The following GRID2 variants were observed in gnomAD, a reference collection of about 807,000 sequenced individuals.
GRID2 encodes glutamate ionotropic receptor delta type subunit 2.
Under a neutral mutation model 114.8 loss-of-function variants are expected in GRID2, and 33 were observed. That is an observed-to-expected ratio of 0.29 (90% confidence interval 0.22 to 0.38). The LOEUF (loss-of-function observed/expected upper bound fraction) is 0.38, where lower values mean the gene tolerates loss of function less well. GRID2 is among the 10% of genes least tolerant of loss of function. GRID2 has a pLI of 1.00. For synonymous variants in GRID2, 505 were observed against 449.9 expected (o/e 1.12, Z -1.55); for missense variants, 1,184 against 1,257.7 (o/e 0.94, Z 0.89).
At chr4:93,090,231 T>C (rs1204133091) in intron 3 of GRID2, among the ~76,000 whole-genome samples, 1 of 152,162 alleles carries the variant, frequency 6.6e-6, no homozygotes, top group African/African-American at 2.4e-5. Flanking sequence ...ATGAGCAGGA[T>C]TGATCTCAAC....
intron 14 of GRID2, among the ~76,000 whole-genome samples, chr4:93,632,136 A>G (rs916923561): frequency 3.3e-4 from 50 of 152,184 alleles, no homozygotes; most frequent in Middle Eastern, 3.4e-3. Flanking sequence ...AGACGAGTAG[A>G]TTGCAAAAAT....
chr4:92,445,871 T>C (rs891169255), intron 1 of GRID2, among the ~76,000 whole-genome samples: 2 of 152,250 alleles, frequency 1.3e-5, no homozygotes, highest in Non-Finnish European at 2.9e-5. Context: ...CATGCTTTAA[T>C]GTCACTGTGA....
In GRID2 at chr4:92,385,815, T is replaced by C. The variant is rs190201355; in HGVS notation, c.88+81071T>C. Among the ~76,000 whole-genome samples the C allele has an allele frequency of 5.6e-3, 848 of 151,036 alleles. 11 individuals are homozygous for C. The highest frequency in any genetic ancestry group is 0.019 in the African/African-American group (804 of 41,280). ...TTTCAATTATGAAATAATTAAGTTA[T>C]TTGGATTTAAATATAGAAAAAATAT... On this transcript the variant is annotated intron_variant, in intron 1 of 15. Transcript: ENST00000282020.
intron 3 of GRID2, among the ~76,000 whole-genome samples, chr4:93,108,999 T>C (rs545597591): frequency 2.2e-4 from 34 of 152,330 alleles, no homozygotes; most frequent in Admixed American, 2.0e-3. Flanking sequence ...GATAAGTTTC[T>C]CAGATGATTC....
intron 8 of GRID2, among the ~76,000 whole-genome samples, chr4:93,273,299 A>G (rs975343106): frequency 6.6e-6 from 1 of 152,212 alleles, no homozygotes; most frequent in African/African-American, 2.4e-5. Flanking sequence ...AAGGTATCCC[A>G]GATCTCTTTC....
intron 1 of GRID2, among the ~76,000 whole-genome samples, chr4:92,318,331 G>A (rs1013402221): frequency 4.2e-5 from 5 of 119,010 alleles, no homozygotes; most frequent in South Asian, 2.7e-4. Flanking sequence ...TTTTTGGTAA[G>A]CAATATTATA....
intron 1 of GRID2, among the ~76,000 whole-genome samples, chr4:92,357,764 T>C (rs1728400884): frequency 6.6e-6 from 1 of 151,864 alleles, no homozygotes; most frequent in Non-Finnish European, 1.5e-5. Context: ...AGTCACAGTA[T>C]TTTAAAATAT....
chr4:92,332,529 T>C (rs750156070), intron 1 of GRID2, among the ~76,000 whole-genome samples: 1 of 152,150 alleles, frequency 6.6e-6, no homozygotes, highest in African/African-American at 2.4e-5. Flanking sequence ...AAAAATATAT[T>C]CATTTCATCC....
At chr4:93,410,627 C>G (rs149789725) in intron 9 of GRID2, among the ~76,000 whole-genome samples, 19 of 152,232 alleles carry the variant, frequency 1.2e-4, no homozygotes, top group African/African-American at 4.6e-4. Context: ...CTTGTTGCCC[C>G]AACTGGAGAG....
chr4:93,572,692 A>G (rs765070011), intron 13 of GRID2, among the ~76,000 whole-genome samples: 7 of 152,164 alleles, frequency 4.6e-5, no homozygotes, highest in Non-Finnish European at 1.0e-4. Context: ...ACTTGAAAAT[A>G]GAATTTATTT....
At chr4:93,271,553 G>C (rs1365703110) in intron 8 of GRID2, among the ~76,000 whole-genome samples, 2 of 152,154 alleles carry the variant, frequency 1.3e-5, no homozygotes, top group African/African-American at 2.4e-5. Flanking sequence ...TTAGAGGAGG[G>C]TAGAAGCCTC....
chr4:93,783,016 G>T (rs1332473698), intron 1 of GRID2, among the ~76,000 whole-genome samples: 2 of 152,108 alleles, frequency 1.3e-5, no homozygotes, highest in Admixed American at 6.5e-5. Flanking sequence ...AAAGTAATTT[G>T]CAGAGGCACA....
At chr4:92,847,473 C>A (rs534275679) in intron 2 of GRID2, among the ~76,000 whole-genome samples, 26 of 152,138 alleles carry the variant, frequency 1.7e-4, no homozygotes, top group African/African-American at 5.5e-4. Flanking sequence ...TCCTTTCCTG[C>A]TCTTTAATAT....
chr4:92,495,749 C>A (rs1481837047), intron 1 of GRID2, among the ~76,000 whole-genome samples: 1 of 151,736 alleles, frequency 6.6e-6, no homozygotes, highest in Non-Finnish European at 1.5e-5. Flanking sequence ...AGAGTTAGTT[C>A]TAAATTAAAA....
At position 93,377,836 on chromosome 4, in the gene GRID2, AT is replaced by A. The variant is rs1176523027; in HGVS notation, c.1246-17767del. On this transcript the variant is annotated intron_variant, in intron 8 of 15. Coordinates refer to ENST00000282020, the MANE Select transcript of GRID2 (RefSeq NM_001510.4). ...ACTTTACTTGCTACAGTAACCTGGC[AT>A]TTTAAAAAGCATTCTGGAAAAAAAA... 9.2e-5 allele frequency among the ~76,000 whole-genome samples: 14 copies of A among 152,112 alleles called. No homozygotes were observed. The South Asian group carries it at 1.7e-3, about 18-fold the overall frequency.
chr4:92,436,646 T>C (rs1275824335), intron 1 of GRID2, among the ~76,000 whole-genome samples: 1 of 152,148 alleles, frequency 6.6e-6, no homozygotes, highest in East Asian at 1.9e-4. Flanking sequence ...CATTGCATCA[T>C]AATGGTTATG....
chr4:92,632,169 C>A (rs1730840154), intron 2 of GRID2, among the ~76,000 whole-genome samples: 1 of 152,088 alleles, frequency 6.6e-6, no homozygotes, highest in Non-Finnish European at 1.5e-5. Context: ...AAATTTATAT[C>A]TTTTAGCATC....
intron 1 of GRID2, among the ~76,000 whole-genome samples, chr4:93,804,078 C>G (rs1734986153): frequency 6.6e-6 from 1 of 152,072 alleles, no homozygotes; most frequent in Non-Finnish European, 1.5e-5. Flanking sequence ...TACAAGCCAG[C>G]CTGAAGGTCA....
intron 2 of GRID2, among the ~76,000 whole-genome samples, chr4:93,001,455 C>T (rs1437753792): frequency 6.6e-6 from 1 of 151,496 alleles, no homozygotes. Context: ...TTATAGGAGT[C>T]AAAGCTATTG....
Sources: gnomAD v4.1 joint callset for allele counts (sites outside exome capture counted in the v4.1 genomes callset) on GRCh38, gnomAD v4.1.1 for gene constraint, MANE v1.5 for transcripts, NCBI Gene and HGNC (gene_info 2026-07-23, HGNC 2026-07-21) for gene names.